The following ZNF536 variants were observed in gnomAD, a reference collection of about 807,000 sequenced individuals.
ZNF536 encodes the protein zinc finger protein 536.
A neutral mutation model predicts 84.5 loss-of-function variants in ZNF536; 13 were observed. The ratio of observed to expected loss-of-function variants is 0.15; its 90% CI spans 0.10 to 0.24. The LOEUF is 0.24. ZNF536 is among the 10% of genes least tolerant of loss of function. ZNF536 has a pLI of 1.00. For synonymous variants in ZNF536, 811 were observed against 742.5 expected, an observed-to-expected ratio of 1.09 and a Z score of -1.50; for missense variants, 1,536 against 1,747.5, an observed-to-expected ratio of 0.88 and a Z score of 2.16.
Position 30,548,928 on chromosome 19 carries a change from A to T in ZNF536, c.3309A>T (p.Ala1103=). The change falls in exon 4 of 5, where the codon GCA becomes GCT. Residue 1103 remains alanine, a synonymous_variant. Coordinates refer to ENST00000355537, the MANE Select transcript of ZNF536 (RefSeq NM_014717.3). The part of the protein sequence containing the change: ...SGAWTGHVDP[A]FCNFPSDFYK... Reference sequence around the variant, plus strand: ...CATGGACCGGCCACGTGGACCCTGCATTTTGTAACTTCCCATCAGACTTCT... The same window carrying T: ...CATGGACCGGCCACGTGGACCCTGCTTTTTGTAACTTCCCATCAGACTTCT... The T allele has an allele frequency of 1.9e-6, 3 of 1,614,138 alleles. No homozygotes were observed. The highest frequency in any genetic ancestry group is 2.5e-6 in the Non-Finnish European group (3 of 1,180,028).
At chr19:30,382,489 T>G (rs1243847835) in intron 1 of ZNF536, among the ~76,000 whole-genome samples, 1 of 152,204 alleles carries the variant, frequency 6.6e-6, no homozygotes, top group Admixed American at 6.5e-5. Context: ...AAAGAAAATA[T>G]CTGCACTTCT....
At chr19:30,439,955 C>CTTTTTTTTTTTTTTTTT (rs1369505835) in intron 1 of ZNF536, among the ~76,000 whole-genome samples, 10 of 133,042 alleles carry the variant, frequency 7.5e-5, no homozygotes, top group African/African-American at 2.4e-4. Context: ...CTTTTTCTTT[C>CTTTTTTTTTTTTTTTTT]TTTCTTTTTT....
At chr19:30,461,331 G>A (rs1353064162) in intron 2 of ZNF536, among the ~76,000 whole-genome samples, 1 of 152,184 alleles carries the variant, frequency 6.6e-6, no homozygotes, top group Non-Finnish European at 1.5e-5. Flanking sequence ...TGCAGCAGAA[G>A]GCAGAATGCA....
chr19:30,284,015 C>G (rs1401395970), intron 1 of ZNF536: 1 of 152,214 alleles, frequency 6.6e-6, no homozygotes, highest in Non-Finnish European at 1.5e-5. Context: ...GTTTATGTGA[C>G]TTACTGAAGT....
chr19:30,376,299 G>T (rs952063783), intron 1 of ZNF536, among the ~76,000 whole-genome samples: 1 of 152,136 alleles, frequency 6.6e-6, no homozygotes, highest in African/African-American at 2.4e-5. Flanking sequence ...CTCCATCTGT[G>T]TCTTTGCCCT....
chr19:30,356,814 T>G (rs771374075), intron 3 of ZNF536, among the ~76,000 whole-genome samples: 1 of 152,252 alleles, frequency 6.6e-6, no homozygotes, highest in African/African-American at 2.4e-5. Context: ...GTAGATAGTA[T>G]GATTCATTCC....
At chr19:30,670,366 G>A (rs2050498790) in intron 1 of ZNF536, among the ~76,000 whole-genome samples, 1 of 152,208 alleles carries the variant, frequency 6.6e-6, no homozygotes, top group African/African-American at 2.4e-5. Context: ...CATTCATTTG[G>A]GCTGGGTGTT....
At chr19:30,414,677 C>T (rs918746523) in intron 1 of ZNF536, among the ~76,000 whole-genome samples, 7 of 152,138 alleles carry the variant, frequency 4.6e-5, no homozygotes, top group African/African-American at 1.2e-4. Context: ...TGAAAATGAT[C>T]TGTGATTTTA....
At chr19:30,240,843 A>G (rs2023890667) in intron 1 of ZNF536, among the ~76,000 whole-genome samples, 1 of 152,218 alleles carries the variant, frequency 6.6e-6, no homozygotes, top group African/African-American at 2.4e-5. Flanking sequence ...CAGGTGTGAC[A>G]GTAGGAACTG....
intron 1 of ZNF536, among the ~76,000 whole-genome samples, chr19:30,667,131 C>T (rs1459211736): frequency 1.3e-5 from 2 of 152,176 alleles, no homozygotes; most frequent in Non-Finnish European, 2.9e-5. Context: ...GTTAGCATCT[C>T]GCAGTAGCAC....
chr19:30,677,239 C>T (rs553715624), intron 1 of ZNF536, among the ~76,000 whole-genome samples: 2 of 152,338 alleles, frequency 1.3e-5, no homozygotes, highest in East Asian at 3.9e-4. Flanking sequence ...TTTGGCTTCA[C>T]AATCCCAGCC....
intron 2 of ZNF536, among the ~76,000 whole-genome samples, chr19:30,501,811 A>G (rs2054960701): frequency 6.6e-6 from 1 of 152,200 alleles, no homozygotes; most frequent in African/African-American, 2.4e-5. Flanking sequence ...CTGAGGTTGC[A>G]ATTTTTTGAA....
intron 2 of ZNF536, among the ~76,000 whole-genome samples, chr19:30,347,006 T>C (rs1007955275): frequency 1.3e-5 from 2 of 152,326 alleles, no homozygotes; most frequent in African/African-American, 4.8e-5. Flanking sequence ...AGCCAGCATC[T>C]GTTATTTTTT....
intron 1 of ZNF536, among the ~76,000 whole-genome samples, chr19:30,229,723 A>G (rs899777238): frequency 6.6e-6 from 1 of 152,140 alleles, no homozygotes; most frequent in South Asian, 2.1e-4. Context: ...TCCTGATTCC[A>G]CCATTAACCG....
intron 1 of ZNF536, among the ~76,000 whole-genome samples, chr19:30,592,598 A>C (rs1361455688): frequency 6.6e-6 from 1 of 152,146 alleles, no homozygotes; most frequent in South Asian, 2.1e-4. Flanking sequence ...GTCACAGTTT[A>C]TACACCATTC....
chr19:30,687,991 G>T (rs1488924276), intron 1 of ZNF536, among the ~76,000 whole-genome samples: 7 of 142,796 alleles, frequency 4.9e-5, no homozygotes, highest in African/African-American at 1.8e-4. Context: ...TTTTAAAAAA[G>T]AGCATAACAA....
chr19:30,275,721 G>C (rs1397067343), intron 1 of ZNF536, among the ~76,000 whole-genome samples: 1 of 152,174 alleles, frequency 6.6e-6, no homozygotes, highest in African/African-American at 2.4e-5. Flanking sequence ...AGGATGAAGT[G>C]AGATTGCGTG....
At chr19:30,676,336 C>T (rs760492839) in intron 1 of ZNF536, among the ~76,000 whole-genome samples, 5 of 152,186 alleles carry the variant, frequency 3.3e-5, no homozygotes, top group Admixed American at 6.5e-5. Context: ...AGTCTATGGC[C>T]ATCTGTGAAT....
At chr19:30,351,069 C>CTT (rs1330255204) in intron 2 of ZNF536, among the ~76,000 whole-genome samples, 1 of 152,194 alleles carries the variant, frequency 6.6e-6, no homozygotes, top group Admixed American at 6.5e-5. Context: ...AAAATGGCAT[C>CTT]TGTGTGTTTC....
Sources: allele counts gnomAD v4.1 joint callset (sites outside exome capture counted in the v4.1 genomes callset), GRCh38; gene constraint gnomAD v4.1.1; transcripts MANE v1.5; gene names NCBI Gene and HGNC (gene_info 2026-07-23, HGNC 2026-07-21).